Variants in PAG1 observed in about 807,000 individuals in gnomAD.
The protein encoded by PAG1 is phosphoprotein membrane anchor with glycosphingolipid microdomains 1, also known as phosphoprotein associated with glycosphingolipid-enriched microdomains 1.
A neutral mutation model predicts 31.7 loss-of-function variants in PAG1; 23 were observed. The observed-to-expected ratio is 0.73, with a 90% CI of 0.52 to 1.03. The LOEUF is 1.03. Among genes scored for constraint, PAG1 ranks in the 50% least tolerant of loss-of-function variants. The probability of loss-of-function intolerance (pLI) is 0.00; values close to 1 mark genes in which losing one functional copy is unlikely to be tolerated. For synonymous variants in PAG1, 214 were observed against 210.3 expected, an observed-to-expected ratio of 1.02 and a Z score of -0.15; for missense variants, 473 against 540.7, an observed-to-expected ratio of 0.87 and a Z score of 1.24.
intron 2 of PAG1, among the ~76,000 whole-genome samples, chr8:81,064,374 G>T (rs536433429): frequency 1.2e-4 from 19 of 152,242 alleles, no homozygotes; most frequent in African/African-American, 4.6e-4. Flanking sequence ...CCTGCTGTGT[G>T]GCCTGGTTCC....
chr8:80,986,370 C>T (rs1807422078), intron 6 of PAG1, among the ~76,000 whole-genome samples: 2 of 152,132 alleles, frequency 1.3e-5, no homozygotes, highest in South Asian at 4.1e-4. Flanking sequence ...CCCACAGTTT[C>T]CTCATCAGTA....
chr8:81,029,583 T>C (rs973040224), intron 3 of PAG1, among the ~76,000 whole-genome samples: 4 of 152,224 alleles, frequency 2.6e-5, no homozygotes, highest in Admixed American at 2.6e-4. Flanking sequence ...TTCCCTCTTG[T>C]GACATGAATA....
At chr8:80,981,981 T>G (rs1807315788) in intron 7 of PAG1, among the ~76,000 whole-genome samples, 1 of 145,302 alleles carries the variant, frequency 6.9e-6, no homozygotes. Context: ...TTGTCCCACC[T>G]CAGCCTCCCA....
chr8:81,049,187 C>T (rs967162356), intron 2 of PAG1, among the ~76,000 whole-genome samples: 1 of 152,196 alleles, frequency 6.6e-6, no homozygotes, highest in Non-Finnish European at 1.5e-5. Context: ...AACCCACAAA[C>T]CCTCACTTCA....
At chr8:81,048,605 CT>C (rs1179486998) in intron 2 of PAG1, among the ~76,000 whole-genome samples, 1 of 152,148 alleles carries the variant, frequency 6.6e-6, no homozygotes, top group Non-Finnish European at 1.5e-5. Context: ...GCAGCCTGGC[CT>C]TTACAGATAA....
chr8:81,093,765 A>G (rs766543575), intron 1 of PAG1, among the ~76,000 whole-genome samples: 24 of 152,236 alleles, frequency 1.6e-4, no homozygotes, highest in Admixed American at 7.2e-4. Flanking sequence ...TAGCAACTGA[A>G]TTTGATCGTT....
rs576309375 is a variant in PAG1, at chr8:80,985,540, A to G, written c.275-163T>C. Among the ~76,000 whole-genome samples the G allele has an allele frequency of 2.6e-5, 4 of 152,318 alleles. No individual in the cohort carries two copies. The East Asian group carries it at 5.8e-4, about 22-fold the overall frequency. ...TGACCATCAGTTGGTATCCTACTTC[A>G]ATCACAGTTTAAAATAAAGCTGTTC... On this transcript the variant is annotated intron_variant, in intron 6 of 8. Transcript: ENST00000220597.
At chr8:81,047,706 CACAA>C (rs1363013461) in intron 2 of PAG1, among the ~76,000 whole-genome samples, 1 of 152,084 alleles carries the variant, frequency 6.6e-6, no homozygotes, top group African/African-American at 2.4e-5. Flanking sequence ...CTAATGTAAC[CACAA>C]ACAAATTTTT....
At chr8:81,107,811 C>T (rs1438536197) in intron 1 of PAG1, among the ~76,000 whole-genome samples, 9 of 152,322 alleles carry the variant, frequency 5.9e-5, no homozygotes, top group Non-Finnish European at 1.2e-4. Flanking sequence ...GCTGTCTCTG[C>T]GGGGCTGCAC....
intron 3 of PAG1, among the ~76,000 whole-genome samples, chr8:81,014,487 G>C (rs1808038916): frequency 6.6e-6 from 1 of 152,214 alleles, no homozygotes; most frequent in Non-Finnish European, 1.5e-5. Flanking sequence ...AGCAGGCTTT[G>C]AAAGCCAAAG....
At chr8:80,977,704 C>T (rs1172307322) in intron 8 of PAG1, among the ~76,000 whole-genome samples, 1 of 152,170 alleles carries the variant, frequency 6.6e-6, no homozygotes, top group African/African-American at 2.4e-5. Context: ...TTACAGGATA[C>T]TATTAAGAGC....
At chr8:81,043,781 C>G (rs951747697) in intron 2 of PAG1, among the ~76,000 whole-genome samples, 13 of 152,106 alleles carry the variant, frequency 8.5e-5, no homozygotes, top group African/African-American at 1.2e-4. Flanking sequence ...TGACCTAAAA[C>G]CAAAGTTTTA....
intron 1 of PAG1, among the ~76,000 whole-genome samples, chr8:81,091,673 T>C (rs1330006045): frequency 6.6e-6 from 1 of 152,174 alleles, no homozygotes; most frequent in South Asian, 2.1e-4. Context: ...AAAATGTTGG[T>C]ATGTGGTACA....
chr8:81,105,305 C>T lies in PAG1; in HGVS notation c.-234+6286G>A, dbSNP rs189172358. Among the ~76,000 whole-genome samples the T allele has an allele frequency of 3.3e-5, 5 of 152,074 alleles. No individual in the cohort carries two copies. The East Asian group carries it at 7.7e-4, about 24-fold the overall frequency. ...TGAGGTCTTATCATCTAACAATGTG[C>T]CTGGTATCATATTAATATATATCTG... On this transcript the variant is annotated intron_variant, in intron 1 of 8. Coordinates refer to ENST00000220597, the MANE Select transcript of PAG1 (RefSeq NM_018440.4).
At chr8:81,063,060 G>T (rs185213001) in intron 2 of PAG1, among the ~76,000 whole-genome samples, 1 of 152,362 alleles carries the variant, frequency 6.6e-6, no homozygotes, top group East Asian at 1.9e-4. Context: ...ATAGTGCAGA[G>T]CTGCCCCTTT....
intron 7 of PAG1, among the ~76,000 whole-genome samples, chr8:80,981,081 T>C (rs1422589214): frequency 1.3e-5 from 2 of 152,078 alleles, no homozygotes; most frequent in African/African-American, 4.8e-5. Context: ...GTTCCTTGAC[T>C]TTCCCTTCCC....
intron 1 of PAG1, among the ~76,000 whole-genome samples, chr8:81,087,535 A>G (rs1809379650): frequency 2.0e-5 from 3 of 152,218 alleles, no homozygotes; most frequent in Admixed American, 2.0e-4. Context: ...ATGTCTATCA[A>G]CAGGAGAGTG....
intron 2 of PAG1, among the ~76,000 whole-genome samples, chr8:81,044,203 A>G (rs150962113): frequency 1.6e-4 from 25 of 152,320 alleles, no homozygotes; most frequent in East Asian, 1.5e-3. Context: ...TAAAAATGTT[A>G]AAGTCCTAAC....
At chr8:81,087,116 G>A (rs1442817065) in intron 1 of PAG1, among the ~76,000 whole-genome samples, 5 of 152,128 alleles carry the variant, frequency 3.3e-5, no homozygotes, top group South Asian at 2.1e-4. Flanking sequence ...AGGCCAAGGC[G>A]GGCGGATCCC....
Sources: gnomAD v4.1 joint callset for allele counts (sites outside exome capture counted in the v4.1 genomes callset) on GRCh38, gnomAD v4.1.1 for gene constraint, MANE v1.5 for transcripts, NCBI Gene and HGNC (gene_info 2026-07-23, HGNC 2026-07-21) for gene names.